The following APC variants were observed in gnomAD, a reference collection of about 807,000 sequenced individuals.
APC encodes APC regulator of Wnt signaling pathway.
In APC, 72 loss-of-function variants were observed where a neutral mutation model predicts 247.0. The observed-to-expected ratio is 0.29, with a 90% CI of 0.24 to 0.35. The LOEUF (loss-of-function observed/expected upper bound fraction) is 0.35. Ranked by LOEUF, APC falls within the 10% of genes least tolerant of loss-of-function variation. The pLI, the probability that APC is intolerant of heterozygous loss-of-function variation, is 1.00. For synonymous variants in APC, 1,254 were observed against 1,162.5 expected (o/e 1.08, Z -1.60); for missense variants, 3,400 against 3,360.7 (o/e 1.01, Z -0.29).
chr5:112,724,344 A>C (rs1471161983), intron 1 of APC, among the ~76,000 whole-genome samples: 1 of 152,152 alleles, frequency 6.6e-6, no homozygotes, highest in African/African-American at 2.4e-5. Context: ...TGGAGAAAAA[A>C]GCACCTGGCT....
In APC at chr5:112,766,385, G is replaced by A. The variant is rs1554069548; in HGVS notation, c.195G>A (p.Gln65=). The part of the protein sequence containing the change: ...IEDEAMASSG[Q]IDLLERLKEL... ...ATGAAGCTATGGCTTCTTCTGGACA[G>A]ATTGATTTATTAGAGCGTCTTAAAG... The change falls in exon 3 of 16, where the codon CAG becomes CAA. Residue 65 remains glutamine, a synonymous_variant. Transcript: ENST00000257430. 2 of 1,611,952 alleles carry A rather than the reference G, an allele frequency of 1.2e-6. No individual in the cohort carries two copies. The highest frequency in any genetic ancestry group is 1.1e-5 in the South Asian group (1 of 91,020).
chr5:112,796,567 G>A (rs375438123), intron 7 of APC, among the ~76,000 whole-genome samples: 35 of 152,072 alleles, frequency 2.3e-4, no homozygotes, highest in African/African-American at 7.0e-4. Context: ...TTTAAAGAAT[G>A]TGTTCATTTT....
At chr5:112,729,500 G>A (rs183901127) in intron 1 of APC, among the ~76,000 whole-genome samples, 3 of 152,310 alleles carry the variant, frequency 2.0e-5, no homozygotes, top group East Asian at 3.9e-4. Context: ...GAGGCTGAAC[G>A]AAAGGTAGTT....
chr5:112,724,894 T>G (rs1027063135), intron 1 of APC, among the ~76,000 whole-genome samples: 3 of 152,140 alleles, frequency 2.0e-5, no homozygotes, highest in African/African-American at 4.8e-5. Context: ...AGCTTAGACT[T>G]TTACTTTGTC....
chr5:112,777,634 G>A (rs553403964), intron 5 of APC: 16 of 188,122 alleles, frequency 8.5e-5, no homozygotes, highest in East Asian at 4.6e-4. Flanking sequence ...AAAACAGGGC[G>A]AACAATTACT....
Position 112,713,698 on chromosome 5 carries a change from C to T in APC, c.165+5816C>T, listed in dbSNP as rs748378280. Among the ~76,000 whole-genome samples, 6 of 152,186 alleles carry T rather than the reference C, an allele frequency of 3.9e-5. No homozygotes were observed. The South Asian group carries it at 8.3e-4, about 21-fold the overall frequency. ...GTGTTTATTTTCTGAGAGAGAGTCTCGTTCAGTCACTCAGGCTGGAGTGCA... is the reference window on the plus strand; with the variant it reads ...GTGTTTATTTTCTGAGAGAGAGTCTTGTTCAGTCACTCAGGCTGGAGTGCA... On this transcript the variant is annotated intron_variant, in intron 1 of 13. Coordinates refer to the APC transcript ENST00000507379.
At chr5:112,764,565 G>T (rs530569994) in intron 2 of APC, among the ~76,000 whole-genome samples, 1 of 152,168 alleles carries the variant, frequency 6.6e-6, no homozygotes, top group Non-Finnish European at 1.5e-5. Flanking sequence ...TGTTAGTTCA[G>T]TTCTGGACAT....
At chr5:112,708,435 G>A (rs1444406048) in intron 1 of APC, among the ~76,000 whole-genome samples, 1 of 152,272 alleles carries the variant, frequency 6.6e-6, no homozygotes, top group African/African-American at 2.4e-5. Flanking sequence ...GCCTCTGTTG[G>A]CAAATGATTG....
In APC at chr5:112,828,952, T is replaced by A. The variant is rs1391594497; in HGVS notation, c.1723T>A (p.Cys575Ser). 3 of 1,611,926 alleles carry A rather than the reference T, an allele frequency of 1.9e-6. No individual in the cohort carries two copies. Among genetic ancestry groups the A allele is most frequent in the African/African-American group, 2.7e-5 (2 of 74,858 alleles). Residue 575 changes from cysteine to serine, a missense_variant, in exon 14 of 16, where the codon TGT (cysteine) becomes AGT (serine). This residue lies in a region of APC where 184 missense variants were observed against 248.0 expected (regional missense o/e 0.74). Coordinates refer to ENST00000257430, the MANE Select transcript of APC (RefSeq NM_000038.6). The part of the protein sequence containing the change: ...EVGSVKALME[C>S]ALEVKKESTL... ...TGGAAGTGTGAAAGCATTGATGGAA[T>A]GTGCTTTAGAAGTTAAAAAGGTACC...
rs1312667645 is a variant in APC at position 112,843,866 on chromosome 5, G to A, written c.8272G>A (p.Glu2758Lys). The A allele has an allele frequency of 6.2e-7, 1 of 1,613,876 alleles. No homozygotes were observed. The highest frequency in any genetic ancestry group is 8.5e-7 in the Non-Finnish European group (1 of 1,179,916). Residue 2758 changes from glutamate to lysine, a missense_variant, in exon 16 of 16, where the codon GAA becomes AAA. Glu to Lys is a moderately conservative substitution (Grantham distance 56). This residue lies in a region of APC where 1,788 missense variants were observed against 1,649.5 expected (regional missense o/e 1.08). Coordinates refer to ENST00000257430, the MANE Select transcript of APC (RefSeq NM_000038.6). The surrounding 1 kb of genome is among the most constrained non-coding windows in gnomAD (Gnocchi z 4.8). ...AGAGACTAATGAAAGTTCTATAGTG[G>A]AACGTACCCCATTCAGTTCTAGCAG... ...VSETNESSIV[E>K]RTPFSSSSSS... is the part of the protein sequence containing the mutation.
At chr5:112,770,455 A>G (rs978796924) in intron 4 of APC, among the ~76,000 whole-genome samples, 1 of 152,100 alleles carries the variant, frequency 6.6e-6, no homozygotes, top group African/African-American at 2.4e-5. Context: ...ACTGTAGAAA[A>G]GACGTCTTGT....
intron 15 of APC, among the ~76,000 whole-genome samples, chr5:112,836,404 T>C (rs1434326895): frequency 2.0e-5 from 3 of 152,130 alleles, no homozygotes; most frequent in Non-Finnish European, 2.9e-5. Flanking sequence ...CTAGTCTCCC[T>C]TTCTGCTATA....
chr5:112,737,453 T>C (rs1048139962), upstream of APC, among the ~76,000 whole-genome samples: 1 of 152,272 alleles, frequency 6.6e-6, no homozygotes, highest in African/African-American at 2.4e-5. Flanking sequence ...TGACTTGTAA[T>C]GTAAAATTAT....
chr5:112,815,139 C>G (rs1762366039), intron 8 of APC, among the ~76,000 whole-genome samples: 1 of 152,194 alleles, frequency 6.6e-6, no homozygotes, highest in African/African-American at 2.4e-5. Flanking sequence ...CAATTTGGAG[C>G]ATTTCAGAAT....
At chr5:112,737,833 TG>T (rs1213407791), upstream of APC, 1 of 985,432 alleles carries the variant, frequency 1.0e-6, no homozygotes, top group Non-Finnish European at 1.2e-6. Context: ...TGGCTGGGTG[TG>T]GGCGCACGTG....
chr5:112,777,709 G>T (rs1757813174), intron 5 of APC: 2 of 225,822 alleles, frequency 8.9e-6, no homozygotes, highest in South Asian at 8.4e-5. Flanking sequence ...ACATTTTGAG[G>T]ACCCTTCATA....
chr5:112,843,579 A>T lies in APC; in HGVS notation c.7985A>T (p.Glu2662Val), dbSNP rs2149997418. 2.5e-6 allele frequency: 4 copies of T among 1,614,030 alleles called. No individual in the cohort carries two copies. The highest frequency in any genetic ancestry group is 3.4e-6 in the Non-Finnish European group (4 of 1,179,916). The change falls in exon 16 of 16, where the codon GAG becomes GTG. Residue 2662 changes from glutamate (E) to valine (V), a missense_variant. Physicochemically the swap from Glu to Val is moderately radical, Grantham distance 121 (BLOSUM62 -2). Around this residue, in one of 9 missense-constraint regions of APC, gnomAD observed 1,788 missense variants for 1,649.5 expected, o/e 1.08. Transcript: ENST00000257430. This position sits in a 1 kb window ranked among gnomAD's most constrained non-coding sequence, Gnocchi z 4.8. ...ACAGAGGATGTTTGGGTGAGAATTG[A>T]GGACTGTCCCATTAACAATCCTAGA... ...SKTEDVWVRIEDCPINNPRSG... is the reference protein window; with the variant it reads ...SKTEDVWVRIVDCPINNPRSG...
Position 112,707,687 on chromosome 5 carries a change from T to G in APC, c.-31T>G, listed in dbSNP as rs78429131. On this transcript the variant is annotated 5_prime_UTR_variant, in exon 1 of 14. Transcript: ENST00000507379. ...GCTGTTGGTGAGGAAGGTGAAGCAC[T>G]CAGTTGCCTTCTCGGGCCTCGGCGC... 0.1 allele frequency: 139,609 copies of G among 1,370,290 alleles called. 7,617 individuals are homozygous for G. The highest frequency in any genetic ancestry group is 0.13 in the Middle Eastern group (652 of 5,184). 84.9% of individuals were successfully genotyped at this position (1,370,290 alleles called of 1,614,324 possible). A position where few individuals can be genotyped will look rare whatever the true frequency, so the allele number is the denominator to read the frequency against.
At chr5:112,799,902 G>A (rs1486894893) in intron 7 of APC, among the ~76,000 whole-genome samples, 1 of 152,002 alleles carries the variant, frequency 6.6e-6, no homozygotes, top group Non-Finnish European at 1.5e-5. Flanking sequence ...CCTTTGCCTA[G>A]TTAACTCCTA....
Sources: allele counts gnomAD v4.1 joint callset (sites outside exome capture counted in the v4.1 genomes callset), GRCh38; gene constraint gnomAD v4.1.1; regional missense constraint gnomAD v4.1.1; non-coding constraint Gnocchi (gnomAD v3.1); transcripts MANE v1.5; gene names NCBI Gene and HGNC (gene_info 2026-07-23, HGNC 2026-07-21).